SGCZ: variants seen among roughly 807,000 people sequenced by gnomAD.
SGCZ encodes the protein sarcoglycan zeta, also known as zeta-sarcoglycan.
A neutral mutation model predicts 41.3 loss-of-function variants in SGCZ; 40 were observed. That is an observed-to-expected ratio of 0.97 (90% CI 0.75 to 1.26). The LOEUF (loss-of-function observed/expected upper bound fraction) is 1.26, where lower values mean the gene tolerates loss of function less well. Among genes scored for constraint, SGCZ ranks in the 50% most tolerant of loss-of-function variants. The pLI, the probability that SGCZ is intolerant of heterozygous loss-of-function variation, is 0.00. For missense variants in SGCZ, 552 were observed against 369.8 expected, an observed-to-expected ratio of 1.49 and a Z score of -4.04; for synonymous variants, 206 against 137.5, an observed-to-expected ratio of 1.50 and a Z score of -3.49.
rs922931279 is a variant in SGCZ at position 14,610,844 on chromosome 8, A to G, written c.40-55918T>C. On this transcript the variant is annotated intron_variant, in intron 1 of 7. Coordinates refer to ENST00000382080, the MANE Select transcript of SGCZ (RefSeq NM_139167.4). The stretch of plus-strand genomic sequence containing the variant: ...ATCTTCAGAATTGAATTGTAAAGCT[A>G]AAGAATGGAATGGAAGATACGGAAA... Among the ~76,000 whole-genome samples the G allele has an allele frequency of 1.3e-5, 2 of 152,216 alleles. 1 individual carries two copies. The highest frequency in any genetic ancestry group is 3.8e-4 in the East Asian group (2 of 5,196).
At position 15,037,777 on chromosome 8, in the gene SGCZ, A is replaced by C. The variant is rs1183682567; in HGVS notation, c.39+199808T>G. 4.6e-5 allele frequency among the ~76,000 whole-genome samples: 7 copies of C among 152,318 alleles called. No individual in the cohort carries two copies. The East Asian group carries it at 1.4e-3, about 29-fold the overall frequency. On this transcript the variant is annotated intron_variant, in intron 1 of 7. Transcript: ENST00000382080. ...TTAGAAATAATAAACAAATTCAGTA[A>C]AGTGACAGGATGCAAAATCAACATA...
chr8:14,341,087 T>C (rs1298739569), intron 2 of SGCZ, among the ~76,000 whole-genome samples: 6 of 152,330 alleles, frequency 3.9e-5, no homozygotes, highest in African/African-American at 1.4e-4. Flanking sequence ...GTCATCTATG[T>C]TGTAGCATGT....
chr8:15,172,375 T>A (rs867468523), intron 1 of SGCZ, among the ~76,000 whole-genome samples: 1 of 151,396 alleles, frequency 6.6e-6, no homozygotes, highest in Middle Eastern at 3.4e-3. Flanking sequence ...TCAGCCAGGA[T>A]GGTCTCGATC....
chr8:14,667,838 G>T (rs186198837), intron 1 of SGCZ, among the ~76,000 whole-genome samples: 10 of 152,238 alleles, frequency 6.6e-5, no homozygotes, highest in African/African-American at 2.4e-4. Flanking sequence ...AAAACAATTA[G>T]AATATTATTG....
intron 1 of SGCZ, among the ~76,000 whole-genome samples, chr8:14,936,399 C>T (rs779271789): frequency 4.0e-5 from 6 of 151,872 alleles, no homozygotes; most frequent in Non-Finnish European, 8.8e-5. Context: ...TCATGTAATA[C>T]AAAGCCTAGT....
intron 5 of SGCZ, among the ~76,000 whole-genome samples, chr8:14,151,773 G>A (rs891133705): frequency 9.9e-5 from 15 of 152,032 alleles, no homozygotes. Flanking sequence ...CTGATTCATA[G>A]AATGCAATAG....
At chr8:14,455,495 T>G (rs1453696421) in intron 2 of SGCZ, among the ~76,000 whole-genome samples, 1 of 139,878 alleles carries the variant, frequency 7.1e-6, no homozygotes, top group Non-Finnish European at 1.6e-5. Flanking sequence ...CACACACGCA[T>G]ATACACACTT....
chr8:14,447,216 T>A, intron 2 of SGCZ, among the ~76,000 whole-genome samples: 1 of 152,206 alleles, frequency 6.6e-6, no homozygotes, highest in Non-Finnish European at 1.5e-5. Flanking sequence ...ATTCTGTTTA[T>A]TGCAGTTCAC....
At chr8:14,752,125 A>G (rs1585231548) in intron 1 of SGCZ, among the ~76,000 whole-genome samples, 2 of 72,966 alleles carry the variant, frequency 2.7e-5, no homozygotes, top group Non-Finnish European at 5.8e-5. Context: ...AAACAAAACA[A>G]AAAAGCCAAA....
intron 4 of SGCZ, among the ~76,000 whole-genome samples, chr8:14,178,354 T>A (rs1210640279): frequency 1.3e-5 from 2 of 152,216 alleles, no homozygotes; most frequent in African/African-American, 4.8e-5. Flanking sequence ...GTTTTTAGAA[T>A]ACAACTGCTA....
chr8:14,376,502 A>C (rs1804135768), intron 2 of SGCZ, among the ~76,000 whole-genome samples: 1 of 152,132 alleles, frequency 6.6e-6, no homozygotes, highest in Admixed American at 6.5e-5. Context: ...TTCATCAGAG[A>C]TAGAAAGCTT....
intron 1 of SGCZ, among the ~76,000 whole-genome samples, chr8:15,063,562 C>G (rs1049987445): frequency 1.3e-5 from 2 of 152,156 alleles, no homozygotes; most frequent in Admixed American, 1.3e-4. Context: ...TTAAAAATCT[C>G]TTTCAAAGTG....
chr8:14,159,431 A>G (rs1287928772), intron 5 of SGCZ, among the ~76,000 whole-genome samples: 1 of 152,206 alleles, frequency 6.6e-6, no homozygotes, highest in Admixed American at 6.5e-5. Context: ...GAAACAGCTT[A>G]TTTTGTGAAG....
chr8:14,175,547 T>C (rs934101641), intron 4 of SGCZ, among the ~76,000 whole-genome samples: 6 of 152,102 alleles, frequency 3.9e-5, no homozygotes, highest in Non-Finnish European at 7.4e-5. Context: ...TACAAAGTAA[T>C]AGACTTTGGT....
chr8:14,780,274 C>T (rs888508547), intron 1 of SGCZ, among the ~76,000 whole-genome samples: 1 of 150,720 alleles, frequency 6.6e-6, no homozygotes, highest in Non-Finnish European at 1.5e-5. Context: ...ACTCGGGAGG[C>T]TGAGGCAGGA....
intron 1 of SGCZ, among the ~76,000 whole-genome samples, chr8:14,889,802 T>C (rs983194368): frequency 2.0e-5 from 3 of 152,150 alleles, no homozygotes; most frequent in Non-Finnish European, 4.4e-5. Context: ...CAATATTGCA[T>C]ATTTTAAATA....
At chr8:14,377,797 G>A (rs892914334) in intron 2 of SGCZ, among the ~76,000 whole-genome samples, 21 of 150,322 alleles carry the variant, frequency 1.4e-4, no homozygotes, top group Non-Finnish European at 2.7e-4. Context: ...TTTTGTTCTT[G>A]CGATAGTTTA....
intron 1 of SGCZ, among the ~76,000 whole-genome samples, chr8:15,216,307 C>T (rs1338429900): frequency 6.6e-6 from 1 of 150,472 alleles, no homozygotes; most frequent in Non-Finnish European, 1.5e-5. Flanking sequence ...GCAAGCTCCG[C>T]CTCCTGGGTT....
chr8:15,031,902 CCTCTCTCTCTCT>C (rs751690018), intron 1 of SGCZ, among the ~76,000 whole-genome samples: 12 of 130,858 alleles, frequency 9.2e-5, no homozygotes, highest in African/African-American at 3.2e-4. Flanking sequence ...CCTCTATATT[CCTCTCTCTCTCT>C]CTCTCTCTCT....
Sources: allele counts gnomAD v4.1 joint callset (sites outside exome capture counted in the v4.1 genomes callset), GRCh38; gene constraint gnomAD v4.1.1; transcripts MANE v1.5; gene names NCBI Gene and HGNC (gene_info 2026-07-23, HGNC 2026-07-21).